ZFHX3: variants seen among roughly 807,000 people sequenced by gnomAD.
The protein encoded by ZFHX3 is zinc finger homeobox 3.
ZFHX3 carries 42 observed loss-of-function variants against 279.1 expected under a neutral mutation model. The observed-to-expected ratio is 0.15, with a 90% CI of 0.12 to 0.19. ZFHX3 has a LOEUF of 0.19. Ranked by LOEUF, ZFHX3 falls within the 10% of genes least tolerant of loss-of-function variation. The pLI is 1.00. For synonymous variants in ZFHX3, 2,293 were observed against 1,957.8 expected (o/e 1.17, Z -4.52); for missense variants, 4,981 against 4,754.0 (o/e 1.05, Z -1.40).
intron 7 of ZFHX3, among the ~76,000 whole-genome samples, chr16:73,124,055 CAACT>C (rs1244053540): frequency 2.0e-5 from 3 of 152,154 alleles, no homozygotes; most frequent in African/African-American, 7.2e-5. Flanking sequence ...ACCAACCAAC[CAACT>C]AATACAGTTT....
intron 1 of ZFHX3, among the ~76,000 whole-genome samples, chr16:73,790,738 T>C (rs1293958284): frequency 6.6e-6 from 1 of 152,222 alleles, no homozygotes; most frequent in Non-Finnish European, 1.5e-5. Flanking sequence ...ATCCTAACCA[T>C]CATTAGATGG....
chr16:73,840,156 T>C (rs531129569), intron 1 of ZFHX3, among the ~76,000 whole-genome samples: 1 of 152,222 alleles, frequency 6.6e-6, no homozygotes, highest in African/African-American at 2.4e-5. Flanking sequence ...TGTATGACCC[T>C]AATGCTAAAG....
At chr16:73,028,495 C>T (rs1221560791) in intron 1 of ZFHX3, among the ~76,000 whole-genome samples, 1 of 152,164 alleles carries the variant, frequency 6.6e-6, no homozygotes, top group Non-Finnish European at 1.5e-5. Context: ...GTTGGTCGCT[C>T]CTCCTGCCAA....
At chr16:73,731,841 C>G (rs1233475302) in intron 1 of ZFHX3, among the ~76,000 whole-genome samples, 2 of 152,094 alleles carry the variant, frequency 1.3e-5, no homozygotes, top group Non-Finnish European at 2.9e-5. Flanking sequence ...CATAGAAGGA[C>G]TGAGGTGTTA....
chr16:72,989,464 A>AGGC (rs998026388), intron 1 of ZFHX3, among the ~76,000 whole-genome samples: 4 of 151,020 alleles, frequency 2.6e-5, no homozygotes, highest in Non-Finnish European at 5.9e-5. Context: ...CCTGGGCGAC[A>AGGC]GACACTCTGT....
chr16:73,549,293 C>T (rs2020169151), intron 2 of ZFHX3, among the ~76,000 whole-genome samples: 1 of 151,956 alleles, frequency 6.6e-6, no homozygotes, highest in African/African-American at 2.4e-5. Context: ...AATTCTTAAA[C>T]ATTTTAGTCC....
At chr16:73,192,828 C>T (rs956870732) in intron 5 of ZFHX3, among the ~76,000 whole-genome samples, 1 of 152,154 alleles carries the variant, frequency 6.6e-6, no homozygotes, top group Non-Finnish European at 1.5e-5. Context: ...ATTTCCTTCC[C>T]TCTCCTTTTT....
chr16:72,843,275 C>T (rs1021618216), intron 4 of ZFHX3, among the ~76,000 whole-genome samples: 1 of 151,920 alleles, frequency 6.6e-6, no homozygotes, highest in Non-Finnish European at 1.5e-5. Flanking sequence ...CTTTGGGAGG[C>T]CAAGGCAGGC....
intron 1 of ZFHX3, among the ~76,000 whole-genome samples, chr16:72,965,260 C>G (rs1433716806): frequency 6.6e-6 from 1 of 152,184 alleles, no homozygotes; most frequent in Non-Finnish European, 1.5e-5. Flanking sequence ...CTTTAAGCAC[C>G]CAGGGACTGT....
At chr16:73,174,865 A>T (rs1340182306) in intron 5 of ZFHX3, among the ~76,000 whole-genome samples, 1 of 44,564 alleles carries the variant, frequency 2.2e-5, no homozygotes, top group African/African-American at 1.5e-4. Flanking sequence ...TAAAAATACA[A>T]AAAAAAAAAA....
intron 3 of ZFHX3, among the ~76,000 whole-genome samples, chr16:72,929,915 G>A (rs34061477): frequency 0.063 from 9,588 of 152,240 alleles, 411 homozygotes; most frequent in Non-Finnish European, 0.09. Context: ...GAAAAGAAAC[G>A]TTCACTTAAA....
chr16:72,888,430 C>T (rs150969835), intron 4 of ZFHX3, among the ~76,000 whole-genome samples: 68 of 152,264 alleles, frequency 4.5e-4, no homozygotes, highest in Middle Eastern at 6.8e-3. Context: ...CCACGAAGCT[C>T]AGCATCTGGG....
At chr16:72,837,473 GATTTTT>G (rs1335853336) in intron 4 of ZFHX3, among the ~76,000 whole-genome samples, 4 of 141,800 alleles carry the variant, frequency 2.8e-5, no homozygotes, top group Non-Finnish European at 6.0e-5. Context: ...CTCCAATGAT[GATTTTT>G]TTTTTTTTTT....
chr16:73,665,440 C>G (rs9939138), intron 2 of ZFHX3, among the ~76,000 whole-genome samples: 2,216 of 151,856 alleles, frequency 0.015, 99 homozygotes, highest in African/African-American at 0.049. Flanking sequence ...CCTCGAACTC[C>G]TGACCTCAAG....
At chr16:73,292,816 A>T (rs965866078) in intron 4 of ZFHX3, among the ~76,000 whole-genome samples, 2 of 152,174 alleles carry the variant, frequency 1.3e-5, no homozygotes, top group Admixed American at 1.3e-4. Flanking sequence ...AAGACACATC[A>T]GTCATCTTTG....
intron 1 of ZFHX3, among the ~76,000 whole-genome samples, chr16:73,757,548 T>C (rs929168119): frequency 5.3e-5 from 8 of 152,174 alleles, no homozygotes; most frequent in Non-Finnish European, 1.0e-4. Context: ...TAAATATTTA[T>C]TGGGCACCCA....
intron 4 of ZFHX3, among the ~76,000 whole-genome samples, chr16:72,832,624 C>T (rs2037088547): frequency 6.6e-6 from 1 of 152,172 alleles, no homozygotes; most frequent in South Asian, 2.1e-4. Flanking sequence ...CCTGGATAAG[C>T]CAGCTCCCTT....
intron 1 of ZFHX3, among the ~76,000 whole-genome samples, chr16:72,986,343 G>A (rs542304395): frequency 9.2e-5 from 14 of 152,250 alleles, no homozygotes; most frequent in African/African-American, 3.1e-4. Context: ...AGGGCTCCTT[G>A]GGCTGACATC....
In ZFHX3 at chr16:72,795,014, C is replaced by G. The variant is rs375390328; in HGVS notation, c.7668G>C (p.Ala2556=). The part of the protein sequence containing the change: ...QEHQQLHFLS[A]QNQFIHPQFL... ...ACTGGGGGTGGATGAACTGGTTCTG[C>G]GCGCTCAGGAAGTGGAGCTGCTGAT... The change falls in exon 9 of 10, where the codon GCG becomes GCC. Residue 2556 remains alanine, a synonymous_variant. Transcript: ENST00000268489. The G allele has an allele frequency of 1.9e-6, 3 of 1,614,138 alleles. No homozygotes were observed. In the South Asian group the frequency reaches 3.3e-5, roughly 18 times the overall value.
Sources: gnomAD v4.1 joint callset for allele counts (sites outside exome capture counted in the v4.1 genomes callset) on GRCh38, gnomAD v4.1.1 for gene constraint, MANE v1.5 for transcripts, NCBI Gene and HGNC (gene_info 2026-07-23, HGNC 2026-07-21) for gene names.